Variants in ADAP1 observed in about 807,000 individuals in gnomAD.
The protein encoded by ADAP1 is arf-GAP with dual PH domain-containing protein 1.
In ADAP1, 31 loss-of-function variants were observed where a neutral mutation model predicts 54.9. That is an observed-to-expected ratio of 0.56 (90% CI 0.42 to 0.76). ADAP1 has a LOEUF of 0.76. Among genes scored for constraint, ADAP1 ranks in the 30% least tolerant of loss-of-function variants. The pLI is 0.00. For missense variants in ADAP1, 535 were observed against 512.4 expected, an observed-to-expected ratio of 1.04 and a Z score of -0.42; for synonymous variants, 313 against 202.6, an observed-to-expected ratio of 1.55 and a Z score of -4.63.
At chr7:900,475 C>G in intron 7 of ADAP1, 58 bp downstream of exon 7, 1 of 1,463,896 alleles carries the variant, frequency 6.8e-7, no homozygotes, top group Non-Finnish European at 9.4e-7. Context: ...GGGCTCCGTC[C>G]ACCCCCCACC....
chr7:909,283 G>GCCGCATTCCAGGGGCAATGACGGCGCA (rs1484768264), intron 4 of ADAP1, among the ~76,000 whole-genome samples: 1 of 38,224 alleles, frequency 2.6e-5, no homozygotes, highest in African/African-American at 2.6e-4. Context: ...AGGCGCCAGC[G>GCCGCATTCCAGGGGCAATGACGGCGCA]GGAACCCCGG....
chr7:904,210 CTTGGCCGGCTGGAAGGTGGCG>C lies in ADAP1; in HGVS notation c.543_563del (p.Asn181_Ala187del). 6.2e-7 allele frequency: 1 copy of C among 1,611,278 alleles called. No homozygotes were observed. Among genetic ancestry groups the C allele is most frequent in the Non-Finnish European group, 8.5e-7 (1 of 1,179,166 alleles). ...CCTGCAGGCCGTGGGGGTGGCCGAT[CTTGGCCGGCTGGAAGGTGGCG>C]TTCAGGTGCTCGATCTTCATCACGG... On this transcript the variant is annotated inframe_deletion, in exon 6 of 11. Coordinates refer to ENST00000265846, the MANE Select transcript of ADAP1 (RefSeq NM_006869.4).
chr7:939,987 G>C (rs1289669791), intron 1 of ADAP1, among the ~76,000 whole-genome samples: 1 of 152,144 alleles, frequency 6.6e-6, no homozygotes, highest in Non-Finnish European at 1.5e-5. Flanking sequence ...GTGAGGCTAA[G>C]GAGTGGTTAC....
intron 3 of ADAP1, among the ~76,000 whole-genome samples, chr7:925,843 G>A (rs891055181): frequency 1.3e-5 from 2 of 152,356 alleles, no homozygotes; most frequent in African/African-American, 2.4e-5. Context: ...GTGAGTCAAC[G>A]GAGGGCGGTG....
Position 945,356 on chromosome 7 carries a change from C to T in ADAP1, c.82+9040G>A, listed in dbSNP as rs1434005268. Among the ~76,000 whole-genome samples the T allele has an allele frequency of 6.6e-6, 1 of 152,214 alleles. No individual in the cohort carries two copies. The highest frequency in any genetic ancestry group is 2.4e-5 in the African/African-American group (1 of 41,458). On this transcript the variant is annotated intron_variant, in intron 1 of 10. Transcript: ENST00000265846. The surrounding 1 kb of genome is among the most constrained non-coding windows in gnomAD (Gnocchi z 4.2). Reference sequence around the variant, plus strand: ...GCAGCAGGGCCCCCACAGGCCCACGCAGGAGAGCCTCTCCCTAAGCCTGGG... The same window carrying T: ...GCAGCAGGGCCCCCACAGGCCCACGTAGGAGAGCCTCTCCCTAAGCCTGGG...
intron 4 of ADAP1, among the ~76,000 whole-genome samples, chr7:906,196 AAGG>A (rs1308851177): frequency 3.3e-5 from 3 of 91,198 alleles, no homozygotes; most frequent in African/African-American, 6.7e-5. Flanking sequence ...AGAAAGGAGA[AAGG>A]AGAAAGGAGA....
chr7:930,650 C>A (rs1211455219), intron 2 of ADAP1, among the ~76,000 whole-genome samples: 3 of 151,928 alleles, frequency 2.0e-5, no homozygotes, highest in Non-Finnish European at 1.5e-5. Context: ...AAAACCCCGT[C>A]TCTATTAAAA....
chr7:905,439 GGGAGAAAGGGAGAAAGGGAAA>G (rs1845129929), intron 4 of ADAP1: 6 of 76,508 alleles, frequency 7.8e-5, no homozygotes, highest in South Asian at 1.5e-4. Flanking sequence ...AAAGGAGAAA[GGGAGAAAGGGAGAAAGGGAAA>G]GGAGAAAGGA....
chr7:947,977 C>T (rs1383680917), intron 1 of ADAP1, among the ~76,000 whole-genome samples: 9 of 151,972 alleles, frequency 5.9e-5, no homozygotes, highest in South Asian at 2.1e-4. Context: ...CCCCCACCCC[C>T]GACACCACCA....
chr7:936,346 C>T (rs1163845363), intron 1 of ADAP1, among the ~76,000 whole-genome samples: 1 of 152,186 alleles, frequency 6.6e-6, no homozygotes, highest in African/African-American at 2.4e-5. Flanking sequence ...GCACGCACCA[C>T]CATGCCCGGC....
Position 926,287 on chromosome 7 carries a change from G to A in ADAP1, c.305+266C>T, listed in dbSNP as rs1302744767. Among the ~76,000 whole-genome samples the A allele has an allele frequency of 6.6e-6, 1 of 152,076 alleles. No individual in the cohort carries two copies. The highest frequency in any genetic ancestry group is 2.4e-5 in the African/African-American group (1 of 41,396). ...CCTCAGATCCACCCGAGACCCCCAA[G>A]GCCTCAGCGAACCTGGGTGGGCTGT... On this transcript the variant is annotated intron_variant, in intron 3 of 10. Transcript: ENST00000265846. The surrounding 1 kb of genome is among the most constrained non-coding windows in gnomAD (Gnocchi z 4.6).
intron 1 of ADAP1, among the ~76,000 whole-genome samples, chr7:952,976 G>T (rs796319181): frequency 5.3e-5 from 8 of 152,154 alleles, no homozygotes; most frequent in Non-Finnish European, 1.2e-4. Context: ...GGCCCAGAGG[G>T]TGGCTGGAGA....
intron 4 of ADAP1, among the ~76,000 whole-genome samples, chr7:906,723 CGGGACATGGGGGACAGAGTACATA>C (rs1845439106): frequency 5.4e-5 from 1 of 18,454 alleles, no homozygotes; most frequent in Admixed American, 5.0e-4. Flanking sequence ...ACATCGGGGA[CGGGACATGGGGGACAGAGTACATA>C]GGGGACATGG....
At position 899,252 on chromosome 7, in the gene ADAP1, C is replaced by A; in HGVS notation, c.877G>T (p.Ala293Ser). Residue 293 changes from alanine to serine, a missense_variant, in exon 10 of 11, where the codon GCC (alanine) becomes TCC (serine). Transcript: ENST00000265846. ...CTGCCAATGAAGACTTCCCCTCGGG[C>A]GAAGGCGTCCTGTGGGTGGGGACCG... The part of the protein sequence containing the change: ...MYFKDPLDAF[A>S]RGEVFIGSKE... The A allele has an allele frequency of 6.2e-7, 1 of 1,612,742 alleles. No individual in the cohort carries two copies. The highest frequency in any genetic ancestry group is 2.2e-5 in the East Asian group (1 of 44,868).
intron 8 of ADAP1, 84 bp downstream of exon 8, chr7:900,015 GGCA>G: frequency 6.7e-7 from 1 of 1,486,010 alleles, no homozygotes; most frequent in Non-Finnish European, 9.3e-7. Flanking sequence ...AAACACAGGC[GGCA>G]GCTGGCAAGG....
intron 4 of ADAP1, among the ~76,000 whole-genome samples, chr7:909,122 GGTCCTCCC>G (rs1244823921): frequency 7.5e-5 from 11 of 145,964 alleles, no homozygotes; most frequent in Admixed American, 1.4e-4. Flanking sequence ...CGGGAACCCC[GGTCCTCCC>G]GACAGCAGGC....
At chr7:940,555 T>G (rs1439091496) in intron 1 of ADAP1, among the ~76,000 whole-genome samples, 2 of 152,190 alleles carry the variant, frequency 1.3e-5, no homozygotes, top group African/African-American at 4.8e-5. Flanking sequence ...TACTACCAAG[T>G]GTTGATGAGG....
intron 1 of ADAP1, among the ~76,000 whole-genome samples, chr7:939,914 T>A (rs1317431040): frequency 4.6e-5 from 7 of 152,016 alleles, no homozygotes; most frequent in African/African-American, 1.7e-4. Context: ...GAAGGGCTTG[T>A]AAGTAGGACT....
intron 8 of ADAP1, 33 bp downstream of exon 8, chr7:900,069 G>T: frequency 6.2e-7 from 1 of 1,611,856 alleles, no homozygotes; most frequent in Non-Finnish European, 8.5e-7. Context: ...GCGTACCCCA[G>T]GCCACCCCAG....
Sources: allele counts gnomAD v4.1 joint callset (sites outside exome capture counted in the v4.1 genomes callset), GRCh38; gene constraint gnomAD v4.1.1; non-coding constraint Gnocchi (gnomAD v3.1); transcripts MANE v1.5; gene names NCBI Gene and HGNC (gene_info 2026-07-23, HGNC 2026-07-21).